Variants in TENM2 observed in about 807,000 individuals in gnomAD.
TENM2 encodes teneurin transmembrane protein 2.
A neutral mutation model predicts 245.2 loss-of-function variants in TENM2; 52 were observed. The ratio of observed to expected loss-of-function variants is 0.21; its 90% CI spans 0.17 to 0.27. The LOEUF is 0.27. TENM2 is among the 10% of genes least tolerant of loss of function. TENM2 has a pLI of 1.00. For missense variants in TENM2, 3,046 were observed against 3,666.8 expected (o/e 0.83, Z 4.37); for synonymous variants, 1,363 against 1,438.9 (o/e 0.95, Z 1.19).
chr5:167,951,339 T>C (rs566253266), intron 3 of TENM2, among the ~76,000 whole-genome samples: 1 of 152,330 alleles, frequency 6.6e-6, no homozygotes, highest in South Asian at 2.1e-4. Context: ...CCTGGTGAGC[T>C]GCCAGCCCTG....
intron 12 of TENM2, among the ~76,000 whole-genome samples, chr5:168,128,200 T>C (rs972234437): frequency 6.6e-6 from 1 of 152,216 alleles, no homozygotes; most frequent in Non-Finnish European, 1.5e-5. Flanking sequence ...TGAATTGTTT[T>C]TGCAATCTCT....
chr5:167,328,639 A>T (rs1709143403), intron 1 of TENM2, among the ~76,000 whole-genome samples: 3 of 152,188 alleles, frequency 2.0e-5, no homozygotes, highest in African/African-American at 7.2e-5. Context: ...AAATAAAATA[A>T]TCACACTACC....
chr5:167,399,572 C>G (rs1390428074), intron 2 of TENM2, among the ~76,000 whole-genome samples: 1 of 152,114 alleles, frequency 6.6e-6, no homozygotes, highest in Non-Finnish European at 1.5e-5. Context: ...TGGCATAGCA[C>G]AATAATTAAG....
chr5:167,968,323 C>A lies in TENM2; in HGVS notation c.947+15501C>A, dbSNP rs186808028. Among the ~76,000 whole-genome samples the A allele has an allele frequency of 4.6e-5, 7 of 152,298 alleles. No individual in the cohort carries two copies. In the East Asian group the frequency reaches 1.4e-3, roughly 29 times the overall value. On this transcript the variant is annotated intron_variant, in intron 4 of 28. Coordinates refer to ENST00000518659, the Ensembl canonical transcript of TENM2. ...TCAAAATCGTGTATTTTTCAAATCCCTTATTGAATCATTTCTTGCTCAAAA... is the reference window on the plus strand; with the variant it reads ...TCAAAATCGTGTATTTTTCAAATCCATTATTGAATCATTTCTTGCTCAAAA...
intron 2 of TENM2, among the ~76,000 whole-genome samples, chr5:167,629,263 G>A (rs1235224031): frequency 1.3e-5 from 2 of 152,138 alleles, no homozygotes; most frequent in African/African-American, 4.8e-5. Context: ...GTGACATTAG[G>A]TGAATTTCTT....
intron 2 of TENM2, among the ~76,000 whole-genome samples, chr5:167,537,286 G>T (rs568086354): frequency 6.8e-6 from 1 of 146,266 alleles, no homozygotes; most frequent in South Asian, 2.2e-4. Flanking sequence ...GGTTTTTTCA[G>T]CTAGATTTTT....
chr5:167,717,601 A>T (rs1248088738), intron 2 of TENM2, among the ~76,000 whole-genome samples: 1 of 152,078 alleles, frequency 6.6e-6, no homozygotes, highest in African/African-American at 2.4e-5. Flanking sequence ...AAAATTAATT[A>T]ATTTTTTTTG....
chr5:167,889,598 A>G (rs577496199), intron 3 of TENM2, among the ~76,000 whole-genome samples: 11 of 152,174 alleles, frequency 7.2e-5, no homozygotes, highest in Admixed American at 7.2e-4. Context: ...CTCTTCCTGT[A>G]GTAACCACTG....
exon 27 of TENM2, chr5:168,248,128 A>C (rs1378543152): frequency 6.2e-7 from 1 of 1,613,622 alleles, no homozygotes; most frequent in African/African-American, 1.3e-5. Flanking sequence ...CTATGGGGAG[A>C]TTTATTATGA....
chr5:167,510,092 T>G (rs957481540), intron 2 of TENM2, among the ~76,000 whole-genome samples: 22 of 152,210 alleles, frequency 1.4e-4, no homozygotes, highest in African/African-American at 5.3e-4. Context: ...AGCACAGCAC[T>G]TGGCACAGAT....
chr5:167,461,986 G>A (rs923329444), intron 2 of TENM2, among the ~76,000 whole-genome samples: 1 of 152,094 alleles, frequency 6.6e-6, no homozygotes, highest in South Asian at 2.1e-4. Context: ...ATAGAGATGG[G>A]AATAAATCGC....
At chr5:167,106,034 C>A in the TENM2 span, among the ~76,000 whole-genome samples, 1 of 140,834 alleles carries the variant, frequency 7.1e-6, no homozygotes, top group Admixed American at 7.1e-5. Flanking sequence ...TTTTCATTTT[C>A]TCTTGCTCTC....
In TENM2 at chr5:167,512,826, G is replaced by GT. The variant is rs528637721; in HGVS notation, c.502+137360dup. On this transcript the variant is annotated intron_variant, in intron 2 of 28. Transcript: ENST00000518659. Reference sequence around the variant, plus strand: ...TATTTTTATGAAGTAGTTTTCTTGTGTTTTTTTCCTCCTTTTATAATTTTT... The same window carrying GT: ...TATTTTTATGAAGTAGTTTTCTTGTGTTTTTTTTCCTCCTTTTATAATTTTT... Among the ~76,000 whole-genome samples the GT allele has an allele frequency of 3.5e-3, 531 of 152,190 alleles. 4 individuals carry two copies. The highest frequency in any genetic ancestry group is 0.012 in the African/African-American group (493 of 41,530).
chr5:168,019,021 G>A (rs1785913409), intron 5 of TENM2, among the ~76,000 whole-genome samples: 2 of 152,136 alleles, frequency 1.3e-5, no homozygotes, highest in African/African-American at 2.4e-5. Context: ...GAGGGGAGAT[G>A]GCATTTGATA....
At chr5:168,098,886 C>T (rs960164041) in intron 9 of TENM2, among the ~76,000 whole-genome samples, 6 of 151,974 alleles carry the variant, frequency 3.9e-5, no homozygotes, top group Admixed American at 3.9e-4. Flanking sequence ...TATTTTACTC[C>T]ATGTTTCTTT....
At chr5:167,431,961 G>GTA (rs112010521) in intron 2 of TENM2, among the ~76,000 whole-genome samples, 4,879 of 43,224 alleles carry the variant, frequency 0.11, 448 homozygotes, top group African/African-American at 0.23. Context: ...ATATATATAT[G>GTA]TATATATATA....
At chr5:167,606,047 G>T (rs147812389) in intron 2 of TENM2, among the ~76,000 whole-genome samples, 2 of 152,096 alleles carry the variant, frequency 1.3e-5, no homozygotes, top group South Asian at 2.1e-4. Context: ...GTTAGAGCCC[G>T]GACTAAAACT....
intron 13 of TENM2, among the ~76,000 whole-genome samples, chr5:168,175,972 C>T (rs1759321348): frequency 6.6e-6 from 1 of 152,220 alleles, no homozygotes; most frequent in Admixed American, 6.5e-5. Flanking sequence ...CCAGGGAGGC[C>T]ATTGCATAGG....
the TENM2 span, among the ~76,000 whole-genome samples, chr5:167,178,021 A>G: frequency 1.3e-5 from 2 of 152,222 alleles, no homozygotes; most frequent in Non-Finnish European, 2.9e-5. Context: ...ATTCATAACC[A>G]TAGAGTTGTA....
Sources: gnomAD v4.1 joint callset for allele counts (sites outside exome capture counted in the v4.1 genomes callset) on GRCh38, gnomAD v4.1.1 for gene constraint, MANE v1.5 for transcripts, NCBI Gene and HGNC (gene_info 2026-07-23, HGNC 2026-07-21) for gene names.